Variants in LNX1 observed in about 807,000 individuals in gnomAD.
LNX1 encodes the protein E3 ubiquitin-protein ligase LNX.
Under a neutral mutation model 68.4 loss-of-function variants are expected in LNX1, and 54 were observed. The ratio of observed to expected loss-of-function variants is 0.79; its 90% CI spans 0.63 to 0.99. LNX1 has a LOEUF of 0.99. Among genes scored for constraint, LNX1 ranks in the 50% least tolerant of loss-of-function variants. The pLI, the probability that LNX1 is intolerant of heterozygous loss-of-function variation, is 0.00. For missense variants in LNX1, 906 were observed against 926.4 expected (o/e 0.98, Z 0.29); for synonymous variants, 336 against 350.0 (o/e 0.96, Z 0.45).
chr4:53,648,900 C>T (rs1449601014), intron 1 of LNX1, among the ~76,000 whole-genome samples: 1 of 152,140 alleles, frequency 6.6e-6, no homozygotes, highest in Non-Finnish European at 1.5e-5. Context: ...CACTATTGCC[C>T]TGAAACCCAC....
chr4:53,577,141 G>A (rs1731542432), intron 1 of LNX1, among the ~76,000 whole-genome samples: 2 of 152,148 alleles, frequency 1.3e-5, no homozygotes, highest in South Asian at 4.1e-4. Context: ...AGAAAGTACT[G>A]GAATCTCACA....
At chr4:53,611,797 A>C (rs1310886840) in intron 2 of LNX1, among the ~76,000 whole-genome samples, 1 of 152,194 alleles carries the variant, frequency 6.6e-6, no homozygotes, top group Admixed American at 6.5e-5. Flanking sequence ...TCTTACCAAG[A>C]AATCTAGTGG....
intron 1 of LNX1, among the ~76,000 whole-genome samples, chr4:53,583,766 GC>G (rs1731978704): frequency 6.6e-6 from 1 of 152,182 alleles, no homozygotes. Context: ...GTCAGGGAAT[GC>G]CTTTCATAAG....
intron 4 of LNX1, among the ~76,000 whole-genome samples, chr4:53,503,940 C>A (rs918584872): frequency 6.6e-6 from 1 of 152,170 alleles, no homozygotes; most frequent in African/African-American, 2.4e-5. Flanking sequence ...TCAAGATCAG[C>A]CTGGCCAACA....
intron 4 of LNX1, among the ~76,000 whole-genome samples, chr4:53,501,322 A>G (rs1725490695): frequency 2.4e-5 from 3 of 125,680 alleles, no homozygotes; most frequent in South Asian, 4.8e-4. Flanking sequence ...ACAGGATCTC[A>G]CTCTGTCACC....
chr4:53,573,418 A>T (rs568325388), intron 2 of LNX1, among the ~76,000 whole-genome samples: 6 of 152,330 alleles, frequency 3.9e-5, no homozygotes, highest in East Asian at 1.9e-4. Context: ...TTAGAATTTT[A>T]AAAAATCCCA....
At chr4:53,621,997 C>T (rs1404755780), upstream of LNX1, among the ~76,000 whole-genome samples, 8 of 152,072 alleles carry the variant, frequency 5.3e-5, no homozygotes, top group African/African-American at 1.9e-4. Context: ...TTCTCATATA[C>T]ATTGGTGCAG....
chr4:53,539,970 A>ATTCAGTATT (rs541256588), intron 2 of LNX1, among the ~76,000 whole-genome samples: 2 of 152,216 alleles, frequency 1.3e-5, no homozygotes, highest in African/African-American at 4.8e-5. Context: ...AGAACTGGAA[A>ATTCAGTATT]TTCAGTATTT....
chr4:53,520,388 G>A (rs1727124080), intron 2 of LNX1, among the ~76,000 whole-genome samples: 1 of 152,210 alleles, frequency 6.6e-6, no homozygotes, highest in African/African-American at 2.4e-5. Context: ...AGTAGTTAAT[G>A]AGGGATGGTC....
chr4:53,475,286 A>G (rs1037909682), intron 9 of LNX1, among the ~76,000 whole-genome samples: 35 of 152,230 alleles, frequency 2.3e-4, no homozygotes, highest in Non-Finnish European at 1.6e-4. Flanking sequence ...TTTCAGAAAG[A>G]TTTTTAAAAA....
intron 2 of LNX1, among the ~76,000 whole-genome samples, chr4:53,558,847 GCCTTACCTA>G (rs1269240786): frequency 1.3e-5 from 2 of 152,080 alleles, no homozygotes; most frequent in Non-Finnish European, 2.9e-5. Context: ...AGCTAATTAT[GCCTTACCTA>G]CCTGGTCTGT....
chr4:53,501,741 T>C (rs1725518903), intron 4 of LNX1: 1 of 152,188 alleles, frequency 6.6e-6, no homozygotes, highest in Admixed American at 6.5e-5. Flanking sequence ...GCTGAAGCAA[T>C]GAGGCCCTCT....
chr4:53,465,292 A>G (rs940816564), intron 9 of LNX1, among the ~76,000 whole-genome samples: 2 of 152,218 alleles, frequency 1.3e-5, no homozygotes, highest in African/African-American at 4.8e-5. Context: ...CATTTTTGAC[A>G]GAACTTCTCT....
intron 2 of LNX1, among the ~76,000 whole-genome samples, chr4:53,599,156 G>T (rs1157174388): frequency 5.3e-5 from 8 of 152,188 alleles, no homozygotes; most frequent in Non-Finnish European, 1.2e-4. Context: ...GTAAAATAAG[G>T]CTGAGACCTA....
chr4:53,465,041 A>T (rs540125077), intron 9 of LNX1, among the ~76,000 whole-genome samples: 2 of 152,248 alleles, frequency 1.3e-5, no homozygotes, highest in South Asian at 4.1e-4. Context: ...ATCAAGTTAC[A>T]TCCTAACAAT....
chr4:53,583,340 G>A lies in LNX1; in HGVS notation c.-87+8048C>T, dbSNP rs938336721. ...ACTAAGAACCTGGGTTGGAAGTTTG[G>A]GGTGATGTGTCTGTGTGTGCATGAT... On this transcript the variant is annotated intron_variant, in intron 1 of 10. Transcript: ENST00000263925. Among the ~76,000 whole-genome samples the A allele has an allele frequency of 5.9e-5, 9 of 152,272 alleles. No individual in the cohort carries two copies. The East Asian group carries it at 9.7e-4, about 16-fold the overall frequency.
In LNX1 at chr4:53,517,749, C is replaced by T. The variant is rs762040914; in HGVS notation, c.381-9522G>A. ...TGTTGCCTGGCACTGAATTACATGG[C>T]TGCTCACATAGCTACCAGAAACTGC... On this transcript the variant is annotated intron_variant, in intron 2 of 10. Coordinates refer to ENST00000263925, the MANE Select transcript of LNX1 (RefSeq NM_001126328.3). 5.3e-5 allele frequency among the ~76,000 whole-genome samples: 8 copies of T among 151,916 alleles called. No homozygotes were observed. In the South Asian group the frequency reaches 6.2e-4, roughly 12 times the overall value.
chr4:53,558,127 G>A (rs1188741720), intron 2 of LNX1: 9 of 1,430,854 alleles, frequency 6.3e-6, no homozygotes, highest in East Asian at 2.6e-5. Flanking sequence ...AATAAATCAC[G>A]GGCCCGTAAG....
chr4:53,642,293 A>G (rs115639083), intron 1 of LNX1, among the ~76,000 whole-genome samples: 1,656 of 151,836 alleles, frequency 0.011, 33 homozygotes, highest in African/African-American at 0.038. Flanking sequence ...TTCTTGGGAT[A>G]TTAAAAATGA....
Sources: gnomAD v4.1 joint callset for allele counts (sites outside exome capture counted in the v4.1 genomes callset) on GRCh38, gnomAD v4.1.1 for gene constraint, MANE v1.5 for transcripts, NCBI Gene and HGNC (gene_info 2026-07-23, HGNC 2026-07-21) for gene names.